Variants in CSMD2 observed in about 807,000 individuals in gnomAD.
The protein encoded by CSMD2 is CUB and sushi domain-containing protein 2.
Under a neutral mutation model 398.5 loss-of-function variants are expected in CSMD2, and 130 were observed. The ratio of observed to expected loss-of-function variants is 0.33; its 90% CI spans 0.28 to 0.38. The LOEUF is 0.38. CSMD2 is among the 10% of genes least tolerant of loss of function. The probability of loss-of-function intolerance (pLI) is 1.00; values close to 1 mark genes in which losing one functional copy is unlikely to be tolerated. For synonymous variants in CSMD2, 1,828 were observed against 1,908.5 expected (o/e 0.96, Z 1.10); for missense variants, 3,829 against 4,764.9 (o/e 0.80, Z 5.78).
At chr1:33,770,557 GGAAGCCAGCATCCCTGA>G (rs1651121412) in intron 13 of CSMD2, among the ~76,000 whole-genome samples, 4 of 152,220 alleles carry the variant, frequency 2.6e-5, no homozygotes, top group Admixed American at 2.0e-4. Context: ...CTTCCTCCAT[GGAAGCCAGCATCCCTGA>G]GATTCAAGCT....
intron 16 of CSMD2, among the ~76,000 whole-genome samples, chr1:33,726,266 C>T (rs1646525526): frequency 6.6e-6 from 1 of 152,110 alleles, no homozygotes; most frequent in African/African-American, 2.4e-5. Context: ...TCTGCCCACT[C>T]CCCCTCCTTG....
intron 19 of CSMD2, among the ~76,000 whole-genome samples, chr1:33,717,336 A>G (rs1181259363): frequency 1.3e-5 from 2 of 152,014 alleles, no homozygotes; most frequent in African/African-American, 2.4e-5. Context: ...GATCAGTTAT[A>G]TTGGTGGCTG....
chr1:33,848,807 T>TG lies in CSMD2; in HGVS notation c.921-1812dup, dbSNP rs200896624. Reference sequence around the variant, plus strand: ...TTTCTAAGGAGCCACAAACGTATTGTGGGTTTTTTTTTTTTTTTCTCCAGG... The same window carrying TG: ...TTTCTAAGGAGCCACAAACGTATTGTGGGGTTTTTTTTTTTTTTTCTCCAGG... On this transcript the variant is annotated intron_variant, in intron 5 of 70. Transcript: ENST00000373381. Among the ~76,000 whole-genome samples, 391 of 96,208 alleles carry TG rather than the reference T, an allele frequency of 4.1e-3. 3 individuals carry two copies. Among genetic ancestry groups the TG allele is most frequent in the Middle Eastern group, 0.013 (2 of 160 alleles). 63.1% of individuals were successfully genotyped at this position (96,208 alleles called of 152,430 possible).
intron 2 of CSMD2, among the ~76,000 whole-genome samples, chr1:34,047,165 T>G (rs1269470828): frequency 6.6e-6 from 1 of 152,034 alleles, no homozygotes; most frequent in Non-Finnish European, 1.5e-5. Context: ...CCGCTCCCAC[T>G]CCATCACCAC....
At chr1:33,763,176 G>A (rs1231994008) in intron 13 of CSMD2, among the ~76,000 whole-genome samples, 1 of 152,184 alleles carries the variant, frequency 6.6e-6, no homozygotes, top group African/African-American at 2.4e-5. Context: ...TAATCCAAGA[G>A]CTCAAGCCTT....
At chr1:34,001,900 AAAT>A (rs778930270) in intron 3 of CSMD2, among the ~76,000 whole-genome samples, 1 of 152,154 alleles carries the variant, frequency 6.6e-6, no homozygotes, top group Non-Finnish European at 1.5e-5. Flanking sequence ...AATGCTGCAA[AAAT>A]AATAATAATA....
At chr1:33,653,913 T>C (rs1643877560) in intron 27 of CSMD2, among the ~76,000 whole-genome samples, 1 of 152,158 alleles carries the variant, frequency 6.6e-6, no homozygotes, top group Non-Finnish European at 1.5e-5. Flanking sequence ...TATACCTGAC[T>C]CCAAAGTTAG....
At chr1:33,854,420 AAG>A (rs1638926925) in intron 5 of CSMD2, among the ~76,000 whole-genome samples, 1 of 152,208 alleles carries the variant, frequency 6.6e-6, no homozygotes, top group Admixed American at 6.5e-5. Flanking sequence ...AAAGCAGAGA[AAG>A]AGGCAGTGAG....
intron 27 of CSMD2, among the ~76,000 whole-genome samples, chr1:33,654,326 T>C (rs1324087504): frequency 6.6e-6 from 1 of 152,204 alleles, no homozygotes; most frequent in East Asian, 1.9e-4. Flanking sequence ...TCAGAAAGCC[T>C]AAGTAACTTG....
In CSMD2 at chr1:33,540,532, C is replaced by T. The variant is rs2148592683; in HGVS notation, c.9624G>A (p.Gln3208=). ...GNGSWTGELP[Q]CFPVFCGDPG... is the part of the protein sequence containing the mutation. ...CCCTTGTAAGCAACTTACGGAAACA[C>T]TGAGGCAGCTCTCCGGTCCAGGACC... Residue 3208 remains glutamine (Q), a synonymous_variant, in exon 60 of 71, where the codon CAG becomes CAA. Coordinates refer to ENST00000373381, the MANE Select transcript of CSMD2 (RefSeq NM_001281956.2). 1 of 1,614,146 alleles carries T rather than the reference C, an allele frequency of 6.2e-7. No homozygotes were observed. Among genetic ancestry groups the T allele is most frequent in the East Asian group, 2.2e-5 (1 of 44,882 alleles).
chr1:33,538,475 C>CGTGTGT lies in CSMD2; in HGVS notation c.9632-872_9632-867dup, dbSNP rs36072752. Among the ~76,000 whole-genome samples the CGTGTGT allele has an allele frequency of 6.1e-4, 93 of 151,378 alleles. 3 individuals are homozygous for CGTGTGT. The highest frequency in any genetic ancestry group is 2.2e-3 in the African/African-American group (91 of 41,344). On this transcript the variant is annotated intron_variant, in intron 60 of 70. Coordinates refer to ENST00000373381, the MANE Select transcript of CSMD2 (RefSeq NM_001281956.2). Reference sequence around the variant, plus strand: ...TATGATGCAAATGTGTGTGCGTGTGCGTGTGTGTGTGTGTGTCTGTGTGTA... The same window carrying CGTGTGT: ...TATGATGCAAATGTGTGTGCGTGTGCGTGTGTGTGTGTGTGTGTGTGTCTGTGTGTA...
At chr1:33,953,055 C>A (rs187610380) in intron 3 of CSMD2, among the ~76,000 whole-genome samples, 1 of 152,226 alleles carries the variant, frequency 6.6e-6, no homozygotes, top group African/African-American at 2.4e-5. Context: ...CTTCTTGGGG[C>A]ACACAGCTAG....
At chr1:33,954,844 A>G (rs961991882) in intron 3 of CSMD2, among the ~76,000 whole-genome samples, 3 of 152,168 alleles carry the variant, frequency 2.0e-5, no homozygotes, top group Non-Finnish European at 4.4e-5. Context: ...CTAAAGGGTC[A>G]GAGTTTCAGC....
intron 28 of CSMD2, among the ~76,000 whole-genome samples, chr1:33,652,022 G>A (rs1225202242): frequency 6.6e-6 from 1 of 152,096 alleles, no homozygotes; most frequent in Non-Finnish European, 1.5e-5. Flanking sequence ...GGCAGGGCAA[G>A]GGCATCCAAC....
rs539103151 is a variant in CSMD2, at chr1:34,032,151, T to G, written c.517+443A>C. Among the ~76,000 whole-genome samples, 29 of 152,350 alleles carry G rather than the reference T, an allele frequency of 1.9e-4. No individual in the cohort carries two copies. In the South Asian group the frequency reaches 3.7e-3, roughly 20 times the overall value. On this transcript the variant is annotated intron_variant, in intron 3 of 70. Transcript: ENST00000373381. ...GCTATTAAGGAAAAATCGATTGTTC[T>G]TCTCTGAATGATATAAAACTGACTC...
At chr1:34,106,180 A>G (rs1329609516) in intron 1 of CSMD2, among the ~76,000 whole-genome samples, 1 of 152,178 alleles carries the variant, frequency 6.6e-6, no homozygotes, top group East Asian at 1.9e-4. Context: ...TGTAGGAGAC[A>G]GACATGGCCC....
intron 15 of CSMD2, 49 bp from the exon 16 acceptor site, chr1:33,726,734 TAAAC>T: frequency 6.4e-7 from 1 of 1,552,052 alleles, no homozygotes; most frequent in Non-Finnish European, 8.7e-7. Flanking sequence ...GACAAATGAG[TAAAC>T]AAACAGAAAA....
chr1:33,674,311 G>A (rs200174281), intron 25 of CSMD2, among the ~76,000 whole-genome samples: 16,403 of 152,060 alleles, frequency 0.11, 980 homozygotes, highest in South Asian at 0.21. Context: ...TGCAATCCTA[G>A]TCTCTGATAA....
At chr1:33,861,249 C>T (rs1032009252) in intron 5 of CSMD2, 6 of 152,076 alleles carry the variant, frequency 3.9e-5, no homozygotes, top group South Asian at 2.1e-4. Flanking sequence ...CATCTGTAGA[C>T]GAGGAGTTGG....
Sources: gnomAD v4.1 joint callset for allele counts (sites outside exome capture counted in the v4.1 genomes callset) on GRCh38, gnomAD v4.1.1 for gene constraint, MANE v1.5 for transcripts, NCBI Gene and HGNC (gene_info 2026-07-23, HGNC 2026-07-21) for gene names.